Variants in CTNND2 observed in about 807,000 individuals in gnomAD.
The protein encoded by CTNND2 is catenin delta 2, also known as catenin delta-2.
A neutral mutation model predicts 144.4 loss-of-function variants in CTNND2; 22 were observed. The ratio of observed to expected loss-of-function variants is 0.15; its 90% CI spans 0.11 to 0.22. The LOEUF is 0.22. CTNND2 is among the 10% of genes least tolerant of loss of function. The pLI, the probability that CTNND2 is intolerant of heterozygous loss-of-function variation, is 1.00. For synonymous variants in CTNND2, 751 were observed against 695.6 expected (o/e 1.08, Z -1.25); for missense variants, 1,353 against 1,618.8 (o/e 0.84, Z 2.82).
intron 16 of CTNND2, among the ~76,000 whole-genome samples, chr5:11,049,515 C>A (rs1168777442): frequency 6.6e-6 from 1 of 152,188 alleles, no homozygotes; most frequent in Non-Finnish European, 1.5e-5. Context: ...TATGATAACT[C>A]TCCAGTGCCA....
intron 2 of CTNND2, among the ~76,000 whole-genome samples, chr5:11,636,878 G>A (rs183888466): frequency 9.2e-4 from 140 of 152,288 alleles, no homozygotes; most frequent in South Asian, 4.1e-3. Flanking sequence ...TTGGAAGTTG[G>A]AGGCAATCCC....
At chr5:11,401,571 T>C (rs373322841) in intron 5 of CTNND2, among the ~76,000 whole-genome samples, 3 of 152,350 alleles carry the variant, frequency 2.0e-5, no homozygotes, top group South Asian at 2.1e-4. Flanking sequence ...ACAAAGATGA[T>C]GATGACAGTG....
intron 1 of CTNND2, among the ~76,000 whole-genome samples, chr5:11,785,488 T>A (rs1274857962): frequency 6.6e-6 from 1 of 152,188 alleles, no homozygotes; most frequent in Non-Finnish European, 1.5e-5. Flanking sequence ...GAATAAAATA[T>A]GAATTGGATG....
intron 2 of CTNND2, among the ~76,000 whole-genome samples, chr5:11,662,299 A>T (rs1783311364): frequency 6.7e-6 from 1 of 149,320 alleles, no homozygotes. Flanking sequence ...ATAGACAGAG[A>T]GAGAGAGGGT....
At chr5:11,760,841 C>G (rs1391024442) in intron 1 of CTNND2, among the ~76,000 whole-genome samples, 1 of 152,012 alleles carries the variant, frequency 6.6e-6, no homozygotes, top group African/African-American at 2.4e-5. Flanking sequence ...CCTCTTAACT[C>G]AATCTCTTGA....
intron 2 of CTNND2, among the ~76,000 whole-genome samples, chr5:11,580,376 T>C (rs1241691987): frequency 6.6e-6 from 1 of 152,208 alleles, no homozygotes; most frequent in African/African-American, 2.4e-5. Flanking sequence ...TAATCTAACT[T>C]TCTTATTATT....
At chr5:11,592,628 T>A (rs1001929293) in intron 2 of CTNND2, among the ~76,000 whole-genome samples, 1 of 150,544 alleles carries the variant, frequency 6.6e-6, no homozygotes, top group Non-Finnish European at 1.5e-5. Context: ...AAAAAAAAAA[T>A]CTTTGCAGAC....
chr5:11,255,439 T>C (rs1744138369), intron 9 of CTNND2, among the ~76,000 whole-genome samples: 1 of 152,194 alleles, frequency 6.6e-6, no homozygotes, highest in African/African-American at 2.4e-5. Context: ...AATCCTAGCA[T>C]TTTTTCCTGT....
intron 3 of CTNND2, among the ~76,000 whole-genome samples, chr5:11,414,080 T>C (rs570961049): frequency 9.2e-5 from 14 of 152,116 alleles, no homozygotes; most frequent in Non-Finnish European, 1.9e-4. Flanking sequence ...TTATAAGAGA[T>C]AGAAGAGAGA....
At chr5:11,796,877 C>T (rs890373030) in intron 1 of CTNND2, among the ~76,000 whole-genome samples, 2 of 152,156 alleles carry the variant, frequency 1.3e-5, no homozygotes, top group African/African-American at 4.8e-5. Context: ...AGAAGTACTA[C>T]TTCTGGTGAT....
intron 2 of CTNND2, among the ~76,000 whole-genome samples, chr5:11,677,148 T>C (rs765929215): frequency 3.9e-5 from 6 of 152,200 alleles, no homozygotes; most frequent in African/African-American, 9.6e-5. Flanking sequence ...GCAAACCAAC[T>C]TAAGAGTCTA....
At chr5:11,188,585 C>T (rs1054819211) in intron 11 of CTNND2, among the ~76,000 whole-genome samples, 4 of 152,098 alleles carry the variant, frequency 2.6e-5, no homozygotes, top group Non-Finnish European at 4.4e-5. Flanking sequence ...AACTGCACAT[C>T]CTGTACACGT....
At chr5:11,007,869 T>C (rs539178562) in intron 18 of CTNND2, among the ~76,000 whole-genome samples, 2 of 152,368 alleles carry the variant, frequency 1.3e-5, no homozygotes, top group East Asian at 3.9e-4. Flanking sequence ...TTTCGCACCG[T>C]GTAATGAAAC....
chr5:11,383,242 T>A (rs1758700383), intron 7 of CTNND2, among the ~76,000 whole-genome samples: 2 of 152,020 alleles, frequency 1.3e-5, no homozygotes, highest in Admixed American at 6.6e-5. Context: ...AGTCTCCTCT[T>A]CTCTGTGGTG....
intron 9 of CTNND2, among the ~76,000 whole-genome samples, chr5:11,329,137 C>T (rs1233752896): frequency 6.6e-6 from 1 of 152,086 alleles, no homozygotes; most frequent in Non-Finnish European, 1.5e-5. Context: ...CCCTAATGGC[C>T]TCATTTTAAG....
chr5:10,993,007 T>G (rs922100789), intron 18 of CTNND2, among the ~76,000 whole-genome samples: 1 of 152,160 alleles, frequency 6.6e-6, no homozygotes, highest in Non-Finnish European at 1.5e-5. Flanking sequence ...AACTGTCTAT[T>G]TTTTGCCGAC....
At chr5:11,726,972 C>T (rs1787058670) in intron 2 of CTNND2, among the ~76,000 whole-genome samples, 1 of 152,076 alleles carries the variant, frequency 6.6e-6, no homozygotes, top group Non-Finnish European at 1.5e-5. Flanking sequence ...TAACAGAATA[C>T]ACATAAGAGA....
intron 3 of CTNND2, among the ~76,000 whole-genome samples, chr5:11,511,676 C>G (rs559612454): frequency 9.2e-5 from 14 of 152,250 alleles, no homozygotes; most frequent in African/African-American, 3.1e-4. Context: ...AAGCTCTGAA[C>G]TTGAGGCAGG....
chr5:11,413,974 G>C (rs1032404346), intron 3 of CTNND2, among the ~76,000 whole-genome samples: 23 of 152,122 alleles, frequency 1.5e-4, no homozygotes, highest in African/African-American at 5.6e-4. Context: ...AACATATTTG[G>C]GAAAAGTGCT....
Sources: gnomAD v4.1 joint callset for allele counts (sites outside exome capture counted in the v4.1 genomes callset) on GRCh38, gnomAD v4.1.1 for gene constraint, MANE v1.5 for transcripts, NCBI Gene and HGNC (gene_info 2026-07-23, HGNC 2026-07-21) for gene names.